SHANK2: variants seen among roughly 807,000 people sequenced by gnomAD.
The protein encoded by SHANK2 is SH3 and multiple ankyrin repeat domains protein 2.
In SHANK2, 43 loss-of-function variants were observed where a neutral mutation model predicts 133.7. The ratio of observed to expected loss-of-function variants is 0.32; its 90% CI spans 0.25 to 0.41. The LOEUF is 0.41. Among genes scored for constraint, SHANK2 ranks in the 10% least tolerant of loss-of-function variants. The pLI is 1.00. For synonymous variants in SHANK2, 1,017 were observed against 952.8 expected (o/e 1.07, Z -1.24); for missense variants, 1,994 against 2,235.8 (o/e 0.89, Z 2.18).
chr11:71,174,961 G>C (rs571546293), intron 2 of SHANK2: 1 of 152,336 alleles, frequency 6.6e-6, no homozygotes, highest in African/African-American at 2.4e-5. Flanking sequence ...CCAGCTTTGT[G>C]TTCATGATTT....
Position 70,569,795 on chromosome 11 carries a change from T to C in SHANK2, c.2062-66864A>G, listed in dbSNP as rs2060021623. On this transcript the variant is annotated intron_variant, in intron 17 of 25. Coordinates refer to ENST00000601538, the MANE Select transcript of SHANK2 (RefSeq NM_012309.5). The surrounding 1 kb of genome is among the most constrained non-coding windows in gnomAD (Gnocchi z 5.1). ...CCTGGGGGGCTGTGATGCTGGCAGA[T>C]GTGTGAGCACGGAGGGGGTTCCTCA... Among the ~76,000 whole-genome samples, 1 of 151,974 alleles carries C rather than the reference T, an allele frequency of 6.6e-6. No homozygotes were observed. Among genetic ancestry groups the C allele is most frequent in the Non-Finnish European group, 1.5e-5 (1 of 67,978 alleles).
At chr11:70,658,694 T>C (rs1555012378) in intron 17 of SHANK2, among the ~76,000 whole-genome samples, 1 of 152,170 alleles carries the variant, frequency 6.6e-6, no homozygotes, top group Non-Finnish European at 1.5e-5. Flanking sequence ...ACTAGCAGAA[T>C]CATAGCATGA....
At chr11:70,575,738 ACT>A (rs782237700) in intron 17 of SHANK2, among the ~76,000 whole-genome samples, 13 of 149,938 alleles carry the variant, frequency 8.7e-5, no homozygotes, top group Non-Finnish European at 1.9e-4. Flanking sequence ...ATGTGTGGAG[ACT>A]CTAGGGCTGT....
Position 70,807,587 on chromosome 11 carries a change from T to C in SHANK2, c.1494-416A>G, listed in dbSNP as rs1948190679. On this transcript the variant is annotated intron_variant, in intron 12 of 25. Transcript: ENST00000601538. The surrounding 1 kb of genome is among the most constrained non-coding windows in gnomAD (Gnocchi z 4.8). ...GATCACATCTGTAATCCCAGCACTT[T>C]GGGAGGCTGAGGTGGGCAGACCACC... 6.6e-6 allele frequency among the ~76,000 whole-genome samples: 1 copy of C among 152,098 alleles called. No individual in the cohort carries two copies.
intron 11 of SHANK2, among the ~76,000 whole-genome samples, chr11:70,892,664 A>G (rs1949866689): frequency 6.6e-6 from 1 of 152,180 alleles, no homozygotes; most frequent in Admixed American, 6.5e-5. Flanking sequence ...TCCTGAATTT[A>G]AGATGTCATC....
At chr11:70,565,310 T>A (rs2059954725) in intron 17 of SHANK2, among the ~76,000 whole-genome samples, 1 of 152,190 alleles carries the variant, frequency 6.6e-6, no homozygotes, top group South Asian at 2.1e-4. Context: ...AGTGGTGCGA[T>A]CTCGGCTCAC....
intron 17 of SHANK2, among the ~76,000 whole-genome samples, chr11:70,563,948 A>C (rs2136142422): frequency 6.6e-6 from 1 of 152,278 alleles, no homozygotes; most frequent in South Asian, 2.1e-4. Flanking sequence ...TTCTCTTTCA[A>C]TACTGTAAAG....
At chr11:71,103,557 A>G (rs75022438) in intron 6 of SHANK2, among the ~76,000 whole-genome samples, 4,248 of 152,312 alleles carry the variant, frequency 0.028, 85 homozygotes, top group African/African-American at 0.053. Flanking sequence ...GCCGTAGTTG[A>G]TGCTGATGAC....
intron 1 of SHANK2, among the ~76,000 whole-genome samples, chr11:71,242,492 T>C (rs570616804): frequency 1.6e-4 from 24 of 152,232 alleles, no homozygotes; most frequent in Non-Finnish European, 2.6e-4. Flanking sequence ...CTTTACCTCC[T>C]TTAAGTGTTT....
chr11:70,487,445 T>C lies in SHANK2; in HGVS notation c.2848A>G (p.Met950Val), dbSNP rs1333860508. Residue 950 changes from methionine to valine, a missense_variant, in exon 25 of 26, where the codon ATG (methionine) becomes GTG (valine). Transcript: ENST00000601538. This position sits in a 1 kb window ranked among gnomAD's most constrained non-coding sequence, Gnocchi z 5.8. Reference protein sequence around the residue: ...TVATMMREKGMYFRRELDRYS... With the variant: ...TVATMMREKGVYFRRELDRYS... ...CGGTCCAGCTCTCTCCTGAAGTACA[T>C]CCCCTTCTCCCTCATCATGGTGGCC... 5.0e-6 allele frequency: 8 copies of C among 1,613,884 alleles called. No individual in the cohort carries two copies. The highest frequency in any genetic ancestry group is 6.8e-6 in the Non-Finnish European group (8 of 1,180,016).
chr11:70,803,056 G>T lies in SHANK2; in HGVS notation c.1663+3946C>A, dbSNP rs962786396. 2.6e-5 allele frequency among the ~76,000 whole-genome samples: 4 copies of T among 152,158 alleles called. No individual in the cohort carries two copies. In the East Asian group the frequency reaches 7.7e-4, roughly 29 times the overall value. On this transcript the variant is annotated intron_variant, in intron 13 of 25. Transcript: ENST00000601538. ...GGGCGAGGACACTCCCAGAGGAAGG[G>T]ACATGGCAGCCGAATCCTGAAGGAG...
intron 3 of SHANK2, among the ~76,000 whole-genome samples, chr11:71,140,429 G>T (rs1952532793): frequency 6.6e-6 from 1 of 152,248 alleles, no homozygotes; most frequent in African/African-American, 2.4e-5. Context: ...TGCCCTGCAA[G>T]GGGAAGATTA....
At chr11:70,905,371 C>A (rs962166769) in intron 10 of SHANK2, among the ~76,000 whole-genome samples, 2 of 152,232 alleles carry the variant, frequency 1.3e-5, no homozygotes, top group Admixed American at 1.3e-4. Context: ...GCATCCTATA[C>A]CACCTAGCAC....
chr11:71,201,285 A>T (rs1954014809), intron 2 of SHANK2, among the ~76,000 whole-genome samples: 1 of 152,244 alleles, frequency 6.6e-6, no homozygotes, highest in Admixed American at 6.5e-5. Flanking sequence ...GGTCTCGGCC[A>T]CGAGAAGCAC....
chr11:71,096,641 C>T (rs750785949), intron 6 of SHANK2, among the ~76,000 whole-genome samples: 6 of 152,178 alleles, frequency 3.9e-5, no homozygotes, highest in Admixed American at 6.5e-5. Flanking sequence ...CCAATATCGA[C>T]GCTGAACATT....
chr11:70,711,954 C>T (rs1462013122), intron 14 of SHANK2, among the ~76,000 whole-genome samples: 4 of 152,124 alleles, frequency 2.6e-5, no homozygotes, highest in Non-Finnish European at 5.9e-5. Context: ...CTGCAGCTGC[C>T]GGCACAGACG....
chr11:70,571,925 A>T (rs1212554771), intron 17 of SHANK2, among the ~76,000 whole-genome samples: 2 of 152,112 alleles, frequency 1.3e-5, no homozygotes, highest in Non-Finnish European at 2.9e-5. Flanking sequence ...GTTGGACCCT[A>T]ACCTCCAATG....
At chr11:70,635,410 A>T (rs2061059928) in intron 17 of SHANK2, 2 of 152,244 alleles carry the variant, frequency 1.3e-5, no homozygotes, top group Admixed American at 1.3e-4. Flanking sequence ...GATGCATGCT[A>T]CAACACGGAG....
intron 10 of SHANK2, among the ~76,000 whole-genome samples, chr11:70,912,101 AAAAAAAAAAAAAAAGAAAG>A (rs1565401392): frequency 9.0e-5 from 12 of 133,784 alleles, no homozygotes; most frequent in African/African-American, 2.6e-4. Flanking sequence ...AAAAAAAAAA[AAAAAAAAAAAAAAAGAAAG>A]AAAGAAAGAA....
Sources: gnomAD v4.1 joint callset for allele counts (sites outside exome capture counted in the v4.1 genomes callset) on GRCh38, gnomAD v4.1.1 for gene constraint, Gnocchi (gnomAD v3.1) non-coding constraint, MANE v1.5 for transcripts, NCBI Gene and HGNC (gene_info 2026-07-23, HGNC 2026-07-21) for gene names.